Variants in NBEA observed in about 807,000 individuals in gnomAD.
NBEA encodes the protein lysosomal-trafficking regulator 2.
NBEA carries 44 observed loss-of-function variants against 343.4 expected under a neutral mutation model. The observed-to-expected ratio is 0.13, with a 90% CI of 0.10 to 0.16. The LOEUF (loss-of-function observed/expected upper bound fraction) is 0.16. Ranked by LOEUF, NBEA falls within the 10% of genes least tolerant of loss-of-function variation. The pLI is 1.00. For synonymous variants in NBEA, 1,175 were observed against 1,238.7 expected (o/e 0.95, Z 1.08); for missense variants, 2,555 against 3,631.3 (o/e 0.70, Z 7.62).
chr13:35,334,290 GACAGAGTCTCACCAAGTC>G (rs1024839939), intron 36 of NBEA, among the ~76,000 whole-genome samples: 9 of 152,128 alleles, frequency 5.9e-5, no homozygotes, highest in Admixed American at 2.0e-4. Context: ...TTTGTTTTGG[GACAGAGTCTCACCAAGTC>G]ACCCAGGCTG....
intron 55 of NBEA, among the ~76,000 whole-genome samples, chr13:35,664,512 G>C (rs1366929190): frequency 6.6e-6 from 1 of 152,162 alleles, no homozygotes; most frequent in Non-Finnish European, 1.5e-5. Flanking sequence ...TTTACAAAAG[G>C]CATAACATTC....
rs142060550 is a variant in NBEA at position 35,330,812 on chromosome 13, G to A, written c.5904-18296G>A. On this transcript the variant is annotated intron_variant, in intron 36 of 58. Transcript: ENST00000379939. The stretch of plus-strand genomic sequence containing the variant: ...TTTTTTTCTAATAGCTATATAGAGG[G>A]GAAAGTCTCTAGTGTCTTATTTTTC... 6.9e-3 allele frequency among the ~76,000 whole-genome samples: 1,044 copies of A among 151,974 alleles called. 15 individuals carry two copies. The highest frequency in any genetic ancestry group is 0.023 in the African/African-American group (967 of 41,474).
At chr13:34,995,052 C>G (rs2060890518) in intron 1 of NBEA, among the ~76,000 whole-genome samples, 1 of 152,328 alleles carries the variant, frequency 6.6e-6, no homozygotes, top group Middle Eastern at 3.4e-3. Context: ...GTCCTAGGTT[C>G]TCTCTGCCCC....
chr13:35,367,466 A>G (rs2041186097), intron 38 of NBEA, among the ~76,000 whole-genome samples: 1 of 151,164 alleles, frequency 6.6e-6, no homozygotes, highest in Middle Eastern at 3.2e-3. Flanking sequence ...TCAAGTTGAT[A>G]TAAGTCCTAA....
intron 41 of NBEA, chr13:35,475,026 G>A (rs377703305): frequency 1.3e-6 from 2 of 1,591,860 alleles, no homozygotes; most frequent in African/African-American, 2.7e-5. Context: ...CTTTGAGAAG[G>A]GTAATAATTT....
At chr13:35,620,307 A>G (rs2082924958) in intron 48 of NBEA, among the ~76,000 whole-genome samples, 1 of 152,060 alleles carries the variant, frequency 6.6e-6, no homozygotes, top group Non-Finnish European at 1.5e-5. Flanking sequence ...CAGGGGAGAG[A>G]GGTCAGGACA....
chr13:35,251,581 G>T, intron 34 of NBEA: 1 of 1,212,998 alleles, frequency 8.2e-7, no homozygotes, highest in Non-Finnish European at 1.1e-6. Context: ...GTTCACAGAA[G>T]CAGTGGAAGC....
intron 41 of NBEA, among the ~76,000 whole-genome samples, chr13:35,540,386 T>C (rs2078766158): frequency 1.3e-5 from 2 of 152,144 alleles, no homozygotes; most frequent in African/African-American, 4.8e-5. Context: ...TTATTTTCAG[T>C]AGTATAGAGT....
At chr13:35,235,068 C>T (rs2075160333) in intron 34 of NBEA, among the ~76,000 whole-genome samples, 1 of 152,000 alleles carries the variant, frequency 6.6e-6, no homozygotes, top group Admixed American at 6.6e-5. Flanking sequence ...TATATCAAGC[C>T]ATGTATAAAA....
chr13:35,374,887 A>G (rs1329996378), intron 38 of NBEA, among the ~76,000 whole-genome samples: 1 of 152,024 alleles, frequency 6.6e-6, no homozygotes, highest in Non-Finnish European at 1.5e-5. Flanking sequence ...TTATCAATGC[A>G]TTGTACTTTT....
intron 41 of NBEA, among the ~76,000 whole-genome samples, chr13:35,520,778 C>A (rs115122253): frequency 6.6e-6 from 1 of 152,190 alleles, no homozygotes; most frequent in African/African-American, 2.4e-5. Flanking sequence ...ACTGTCCTCT[C>A]CCTTTAGCCC....
intron 38 of NBEA, among the ~76,000 whole-genome samples, chr13:35,424,058 C>G (rs367888483): frequency 4.6e-5 from 7 of 152,126 alleles, no homozygotes; most frequent in East Asian, 1.9e-4. Context: ...GGGCTGAGAC[C>G]ATGGGGTTTT....
In NBEA at chr13:34,943,189, C is replaced by T. The variant is rs2059083476; in HGVS notation, c.294+75C>T. The T allele has an allele frequency of 5.1e-6, 8 of 1,560,328 alleles. No individual in the cohort carries two copies. In the Admixed American group the frequency reaches 6.8e-5, roughly 13 times the overall value. The stretch of plus-strand genomic sequence containing the variant: ...CGTCCCCAGCGCCTTTCCCTCCCAC[C>T]CTTCACCCCCAGGGTCACACGCGCC... On this transcript the variant is annotated intron_variant, in intron 1 of 58. Transcript: ENST00000379939.
At chr13:35,495,375 G>A (rs1044214903) in intron 41 of NBEA, among the ~76,000 whole-genome samples, 11 of 151,780 alleles carry the variant, frequency 7.2e-5, no homozygotes, top group South Asian at 2.1e-4. Flanking sequence ...TCCATAAAGC[G>A]AAAACAGATA....
chr13:35,438,153 A>G (rs962154925), intron 39 of NBEA, among the ~76,000 whole-genome samples: 1 of 152,192 alleles, frequency 6.6e-6, no homozygotes, highest in African/African-American at 2.4e-5. Context: ...AAAGTTAATC[A>G]GTCATTTCTT....
At chr13:35,245,133 T>C (rs769225162) in intron 34 of NBEA, among the ~76,000 whole-genome samples, 6 of 152,130 alleles carry the variant, frequency 3.9e-5, no homozygotes, top group Non-Finnish European at 7.4e-5. Flanking sequence ...ACTTTTGGTG[T>C]CCATTTGCAT....
At chr13:35,362,942 A>G (rs1594356224) in intron 38 of NBEA, among the ~76,000 whole-genome samples, 1 of 151,958 alleles carries the variant, frequency 6.6e-6, no homozygotes, top group East Asian at 1.9e-4. Context: ...TGGAACTGTA[A>G]AGTAAAAATT....
At chr13:35,543,204 A>T (rs1334219041) in intron 41 of NBEA, among the ~76,000 whole-genome samples, 3 of 152,196 alleles carry the variant, frequency 2.0e-5, no homozygotes, top group African/African-American at 7.2e-5. Flanking sequence ...TTCATCTCTT[A>T]ATGGGATGAA....
chr13:35,379,914 A>G (rs2041926112), intron 38 of NBEA, among the ~76,000 whole-genome samples: 1 of 152,076 alleles, frequency 6.6e-6, no homozygotes, highest in African/African-American at 2.4e-5. Context: ...TAAGCCCTTT[A>G]GCTTTGTGGT....
Sources: allele counts gnomAD v4.1 joint callset (sites outside exome capture counted in the v4.1 genomes callset), GRCh38; gene constraint gnomAD v4.1.1; transcripts MANE v1.5; gene names NCBI Gene and HGNC (gene_info 2026-07-23, HGNC 2026-07-21).